Variants in ATP8B1 observed in about 807,000 individuals in gnomAD.
ATP8B1 encodes ATPase phospholipid transporting 8B1, also known as phospholipid-transporting ATPase IC.
In ATP8B1, 80 loss-of-function variants were observed where a neutral mutation model predicts 149.9. That is an observed-to-expected ratio of 0.53 (90% CI 0.45 to 0.64). ATP8B1 has a LOEUF of 0.64. Among genes scored for constraint, ATP8B1 ranks in the 30% least tolerant of loss-of-function variants. The pLI is 0.00. For synonymous variants in ATP8B1, 536 were observed against 562.8 expected (o/e 0.95, Z 0.67); for missense variants, 1,247 against 1,552.6 (o/e 0.80, Z 3.31).
At chr18:57,691,727 C>A (rs1912538961) in intron 12 of ATP8B1, 80 bp downstream of exon 12, 2 of 1,507,672 alleles carry the variant, frequency 1.3e-6, no homozygotes, top group East Asian at 4.5e-5. Context: ...AAACAGTGAT[C>A]ACTAGAAATG....
At chr18:57,706,098 C>T (rs1380394099) in intron 3 of ATP8B1, among the ~76,000 whole-genome samples, 1 of 152,044 alleles carries the variant, frequency 6.6e-6, no homozygotes, top group Admixed American at 6.6e-5. Context: ...ATTTTTGAGT[C>T]AAAAATATGT....
intron 13 of ATP8B1, among the ~76,000 whole-genome samples, chr18:57,685,522 T>G (rs563509724): frequency 9.1e-4 from 138 of 152,244 alleles, no homozygotes; most frequent in Non-Finnish European, 1.6e-3. Context: ...AATTGTGCTA[T>G]TAAGTATATT....
At chr18:57,765,800 C>T (rs1365877611) in intron 1 of ATP8B1, among the ~76,000 whole-genome samples, 14 of 151,772 alleles carry the variant, frequency 9.2e-5, no homozygotes, top group East Asian at 5.9e-4. Context: ...GGTGAAACCC[C>T]GTCTTTACTA....
chr18:57,692,101 AT>A, intron 11 of ATP8B1, 104 bp from the exon 12 acceptor site: 1 of 1,505,416 alleles, frequency 6.6e-7, no homozygotes, highest in Non-Finnish European at 8.9e-7. Flanking sequence ...ATGATTGAGA[AT>A]TTAGTAGTCT....
chr18:57,761,075 A>AAAT (rs2080149035), intron 1 of ATP8B1, among the ~76,000 whole-genome samples: 1 of 123,926 alleles, frequency 8.1e-6, no homozygotes, highest in Admixed American at 8.1e-5. Context: ...ATAAAATAAA[A>AAAT]TAAATAAAAT....
intron 11 of ATP8B1, among the ~76,000 whole-genome samples, chr18:57,692,425 ATTTTTTTT>A (rs10547283): frequency 1.2e-4 from 7 of 57,064 alleles, no homozygotes; most frequent in Middle Eastern, 8.2e-3. Context: ...TATTCAACAG[ATTTTTTTT>A]TTTTTTTTTT....
chr18:57,668,150 G>A, intron 19 of ATP8B1: 1 of 1,375,062 alleles, frequency 7.3e-7, no homozygotes, highest in South Asian at 1.2e-5. Flanking sequence ...TTCAGGACGG[G>A]AACCCACGTC....
chr18:57,689,167 C>T lies in ATP8B1; in HGVS notation c.1221-660G>A, dbSNP rs74724799. On this transcript the variant is annotated intron_variant, in intron 12 of 27. Coordinates refer to ENST00000648908, the MANE Select transcript of ATP8B1 (RefSeq NM_001374385.1). ...ATGGAAGACACAGCAACACTGCAGACAGAGCAGTGGACACAGCAAGCTTGA... is the reference window on the plus strand; with the variant it reads ...ATGGAAGACACAGCAACACTGCAGATAGAGCAGTGGACACAGCAAGCTTGA... Among the ~76,000 whole-genome samples the T allele has an allele frequency of 3.9e-3, 591 of 152,270 alleles. 1 individual carries two copies. Among genetic ancestry groups the T allele is most frequent in the Non-Finnish European group, 5.4e-3 (364 of 68,022 alleles).
chr18:57,746,257 T>C (rs186453186), intron 1 of ATP8B1, among the ~76,000 whole-genome samples: 1 of 152,228 alleles, frequency 6.6e-6, no homozygotes, highest in Non-Finnish European at 1.5e-5. Context: ...ACTGGGTACA[T>C]TTCATGCAAT....
In ATP8B1 at chr18:57,662,518, C is replaced by T; in HGVS notation, c.2383G>A (p.Gly795Arg). The T allele has an allele frequency of 6.2e-7, 1 of 1,614,144 alleles. No individual in the cohort carries two copies. Residue 795 changes from glycine (G) to arginine (R), a missense_variant, in exon 21 of 28, where the codon GGA (glycine) becomes AGA (arginine). Coordinates refer to ENST00000648908, the MANE Select transcript of ATP8B1 (RefSeq NM_001374385.1). ...CCAGTGATGATTAAGGCACGGTTTC[C>T]ACCGGGTGGAAAAAAAGATTCCTGC... is the stretch of plus-strand genomic sequence containing the variant. ...PVQESFFPPG[G>R]NRALIITGSW...
chr18:57,708,847 CTCTG>C (rs1417329902), intron 2 of ATP8B1, among the ~76,000 whole-genome samples: 1 of 152,182 alleles, frequency 6.6e-6, no homozygotes, highest in Non-Finnish European at 1.5e-5. Flanking sequence ...CTGGTGGTGG[CTCTG>C]TCTGGTCCCA....
intron 1 of ATP8B1, among the ~76,000 whole-genome samples, chr18:57,790,175 G>A (rs1049133901): frequency 6.6e-6 from 1 of 151,918 alleles, no homozygotes; most frequent in Non-Finnish European, 1.5e-5. Flanking sequence ...CTTGTGAAGT[G>A]CGGCTCCTAC....
chr18:57,688,278 T>G (rs777396002), intron 13 of ATP8B1, 21 bp downstream of exon 13: 3 of 1,610,678 alleles, frequency 1.9e-6, no homozygotes, highest in Non-Finnish European at 2.5e-6. Flanking sequence ...ACCCAGAAAA[T>G]GAGTGACGGC....
chr18:57,729,906 A>C (rs2079744217), intron 2 of ATP8B1, among the ~76,000 whole-genome samples: 1 of 152,144 alleles, frequency 6.6e-6, no homozygotes, highest in Non-Finnish European at 1.5e-5. Context: ...TTCTGATTCA[A>C]GGCAGAAGGC....
At chr18:57,788,295 G>A (rs1411784188) in intron 1 of ATP8B1, among the ~76,000 whole-genome samples, 2 of 151,218 alleles carry the variant, frequency 1.3e-5, no homozygotes, top group African/African-American at 4.9e-5. Context: ...GCCGTGCATG[G>A]TGGCTCCCAG....
intron 24 of ATP8B1, 120 bp from the exon 25 acceptor site, chr18:57,652,849 C>G (rs1349616610): frequency 8.0e-7 from 1 of 1,257,086 alleles, no homozygotes; most frequent in Non-Finnish European, 1.1e-6. Context: ...AAGGCAAAAA[C>G]TGAACAAGAT....
intron 1 of ATP8B1, among the ~76,000 whole-genome samples, chr18:57,786,590 C>T (rs1033799158): frequency 3.9e-5 from 6 of 152,138 alleles, no homozygotes; most frequent in East Asian, 3.9e-4. Context: ...CTACCATCTC[C>T]GAGATGGTAC....
At chr18:57,787,779 T>A (rs1235592746) in intron 1 of ATP8B1, among the ~76,000 whole-genome samples, 6 of 152,216 alleles carry the variant, frequency 3.9e-5, no homozygotes. Context: ...TTCTGAAGGT[T>A]TAACATCTAT....
chr18:57,724,591 C>T (rs1326779529), intron 2 of ATP8B1, among the ~76,000 whole-genome samples: 4 of 150,494 alleles, frequency 2.7e-5, no homozygotes, highest in Admixed American at 1.3e-4. Context: ...CATTAAAAAG[C>T]CAGGAAACAA....
Sources: allele counts gnomAD v4.1 joint callset (sites outside exome capture counted in the v4.1 genomes callset), GRCh38; gene constraint gnomAD v4.1.1; transcripts MANE v1.5; gene names NCBI Gene and HGNC (gene_info 2026-07-23, HGNC 2026-07-21).